Variants in PCDHGB5 observed in about 807,000 individuals in gnomAD.
PCDHGB5 encodes the protein protocadherin gamma subfamily B, 5, also known as protocadherin gamma-B5.
A neutral mutation model predicts 62.9 loss-of-function variants in PCDHGB5; 48 were observed. The observed-to-expected ratio is 0.76, with a 90% CI of 0.61 to 0.97. PCDHGB5 has a LOEUF of 0.97. Ranked by LOEUF, PCDHGB5 falls within the 50% of genes least tolerant of loss-of-function variation. The pLI, the probability that PCDHGB5 is intolerant of heterozygous loss-of-function variation, is 0.00. For missense variants in PCDHGB5, 1,118 were observed against 1,198.6 expected (o/e 0.93, Z 0.99); for synonymous variants, 474 against 511.2 (o/e 0.93, Z 0.98).
At chr5:141,501,716 A>G (rs2099810687) in intron 2 of PCDHGB5, among the ~76,000 whole-genome samples, 1 of 152,160 alleles carries the variant, frequency 6.6e-6, no homozygotes, top group African/African-American at 2.4e-5. Flanking sequence ...TAAAAAAGAC[A>G]AATATATTAC....
In PCDHGB5 at chr5:141,511,307, G is replaced by A. The variant is rs919320754; in HGVS notation, c.*134G>A. On this transcript the variant is annotated 3_prime_UTR_variant, in exon 4 of 4. Coordinates refer to ENST00000617380, the MANE Select transcript of PCDHGB5 (RefSeq NM_018925.3). ...TAGGGGCCAAGGCCATGCTCCCCTT[G>A]GGAAACAGAAACAAGTGCCCAGTCA... 8 of 1,488,416 alleles carry A rather than the reference G, an allele frequency of 5.4e-6. No individual in the cohort carries two copies. Among genetic ancestry groups the A allele is most frequent in the Non-Finnish European group, 5.4e-6 (6 of 1,115,202 alleles). The allele number at this position is 1,488,416 out of a possible 1,614,324, so 92.2% of individuals were successfully genotyped here. A position where few individuals can be genotyped will look rare whatever the true frequency, so the allele number is the denominator to read the frequency against.
intron 1 of PCDHGB5, chr5:141,422,231 T>A: frequency 3.2e-6 from 5 of 1,566,292 alleles, no homozygotes; most frequent in Non-Finnish European, 4.3e-6. Context: ...ACGACGATGT[T>A]GATCACTGTT....
intron 1 of PCDHGB5, chr5:141,420,364 ACTT>A (rs746817317): frequency 1.3e-4 from 174 of 1,368,558 alleles, no homozygotes; most frequent in Non-Finnish European, 1.6e-4. Context: ...ATTCTAGATA[ACTT>A]CTTCATAGAG....
At chr5:141,488,069 C>T (rs1197698273) in intron 1 of PCDHGB5, among the ~76,000 whole-genome samples, 1 of 152,072 alleles carries the variant, frequency 6.6e-6, no homozygotes, top group Non-Finnish European at 1.5e-5. Context: ...ATCTTTGTCT[C>T]CCAGTATCTA....
intron 1 of PCDHGB5, among the ~76,000 whole-genome samples, chr5:141,482,884 C>A (rs2099574053): frequency 6.6e-6 from 1 of 152,116 alleles, no homozygotes; most frequent in Non-Finnish European, 1.5e-5. Flanking sequence ...CCAGCCTGGC[C>A]AACATGGTGA....
chr5:141,405,494 A>G, intron 1 of PCDHGB5: 1 of 840,532 alleles, frequency 1.2e-6, no homozygotes, highest in Non-Finnish European at 1.8e-6. Context: ...ATCTCGGCTC[A>G]TTGCAACCTC....
At chr5:141,413,058 C>G (rs2095601249) in intron 1 of PCDHGB5, 1 of 1,073,304 alleles carries the variant, frequency 9.3e-7, no homozygotes, top group Non-Finnish European at 1.3e-6. Context: ...AAGCTCACTC[C>G]AGAATTTAAA....
At chr5:141,467,939 A>G (rs2099154812) in intron 1 of PCDHGB5, among the ~76,000 whole-genome samples, 2 of 152,190 alleles carry the variant, frequency 1.3e-5, no homozygotes, top group Admixed American at 6.5e-5. Context: ...GATTACAAGC[A>G]TGAGCCACCA....
chr5:141,439,756 G>A (rs74623862), intron 1 of PCDHGB5: 30 of 152,422 alleles, frequency 2.0e-4, no homozygotes, highest in African/African-American at 7.0e-4. Context: ...CAGGCAATGA[G>A]TTCAGCTCCT....
intron 1 of PCDHGB5, chr5:141,404,658 C>A: frequency 6.2e-7 from 1 of 1,614,198 alleles, no homozygotes; most frequent in Non-Finnish European, 8.5e-7. Flanking sequence ...GCCCTCCCCA[C>A]TGATGGTTCT....
intron 1 of PCDHGB5, among the ~76,000 whole-genome samples, chr5:141,455,133 CTG>C (rs2098814252): frequency 6.6e-6 from 1 of 151,392 alleles, no homozygotes; most frequent in African/African-American, 2.4e-5. Flanking sequence ...TTAAATTACA[CTG>C]TGTTAAATAA....
At chr5:141,416,711 C>G (rs962144454) in intron 1 of PCDHGB5, 1 of 152,152 alleles carries the variant, frequency 6.6e-6, no homozygotes, top group South Asian at 2.1e-4. Context: ...ATTGGAGGTA[C>G]TGATGAGTTC....
chr5:141,403,612 G>C (rs1314297922), intron 1 of PCDHGB5: 9 of 1,613,736 alleles, frequency 5.6e-6, no homozygotes, highest in African/African-American at 1.3e-5. Flanking sequence ...GCGGCGAGCC[G>C]CGTCGCTCCA....
chr5:141,420,308 T>C (rs1486910909), intron 1 of PCDHGB5: 3 of 1,457,838 alleles, frequency 2.1e-6, no homozygotes, highest in Non-Finnish European at 9.2e-7. Context: ...ATCCTTTTTA[T>C]ATTACAATAT....
In PCDHGB5 at chr5:141,487,086, TCCCACCACAGAAG is replaced by T. The variant is rs2099639456; in HGVS notation, c.2398-7719_2398-7707del. 6.2e-7 allele frequency: 1 copy of T among 1,613,822 alleles called. No homozygotes were observed. ...ACGGCTGTTCCTATCCCAGCTGACC[TCCCACCACAGAAG>T]CTGGTCATTGTGGTAAAGGATAGTG... On this transcript the variant is annotated intron_variant, in intron 1 of 3. Coordinates refer to ENST00000617380, the MANE Select transcript of PCDHGB5 (RefSeq NM_018925.3). The surrounding 1 kb of genome is among the most constrained non-coding windows in gnomAD (Gnocchi z 5.0).
At position 141,405,317 on chromosome 5, in the gene PCDHGB5, G is replaced by A. The variant is rs1443108777; in HGVS notation, c.2397+4793G>A. ...CAGCCAGCAGAGCTGTGAGAAAAAT[G>A]AGCCTTTGTGCGTCTCTGTTGATTC... On this transcript the variant is annotated intron_variant, in intron 1 of 3. Coordinates refer to ENST00000617380, the MANE Select transcript of PCDHGB5 (RefSeq NM_018925.3). 2.5e-6 allele frequency: 4 copies of A among 1,614,080 alleles called. No individual in the cohort carries two copies. The African/African-American group carries it at 5.3e-5, about 22-fold the overall frequency.
Position 141,399,611 on chromosome 5 carries a change from T to A in PCDHGB5, c.1484T>A (p.Leu495Gln). The A allele has an allele frequency of 1.2e-6, 2 of 1,613,930 alleles. No homozygotes were observed. Among genetic ancestry groups the A allele is most frequent in the Non-Finnish European group, 1.7e-6 (2 of 1,179,876 alleles). ...ATCATGGCCAGCGACCTAGAGCCTC[T>A]GGCACTGGCCTCTTACGTGTCCATG... The part of the protein sequence containing the change: ...YSIMASDLEP[L>Q]ALASYVSMSA... The change falls in exon 1 of 4, where the codon CTG (leucine) becomes CAG (glutamine). Residue 495 changes from leucine to glutamine, a missense_variant. Leu to Gln is a moderately radical substitution (Grantham distance 113, BLOSUM62 -2). This residue lies in a region of PCDHGB5 where 1,034 missense variants were observed against 1,029.1 expected (regional missense o/e 1.00). Coordinates refer to ENST00000617380, the MANE Select transcript of PCDHGB5 (RefSeq NM_018925.3).
chr5:141,425,013 G>T (rs1666336437), intron 1 of PCDHGB5, among the ~76,000 whole-genome samples: 1 of 152,108 alleles, frequency 6.6e-6, no homozygotes, highest in Non-Finnish European at 1.5e-5. Flanking sequence ...TCTCATTTAG[G>T]AATTTACCTT....
At chr5:141,417,646 C>A in intron 1 of PCDHGB5, 2 of 797,870 alleles carry the variant, frequency 2.5e-6, no homozygotes, top group Non-Finnish European at 3.8e-6. Context: ...GATCCCTCAG[C>A]CTCTAGCCTG....
Sources: gnomAD v4.1 joint callset for allele counts (sites outside exome capture counted in the v4.1 genomes callset) on GRCh38, gnomAD v4.1.1 for gene constraint, gnomAD v4.1.1 regional missense constraint, Gnocchi (gnomAD v3.1) non-coding constraint, MANE v1.5 for transcripts, NCBI Gene and HGNC (gene_info 2026-07-23, HGNC 2026-07-21) for gene names.